The following PEAK1 variants were observed in gnomAD, a reference collection of about 807,000 sequenced individuals.
PEAK1 encodes the protein pseudopodium enriched atypical kinase 1.
In PEAK1, 54 loss-of-function variants were observed where a neutral mutation model predicts 124.7. The observed-to-expected ratio is 0.43, with a 90% confidence interval of 0.35 to 0.54. The LOEUF (loss-of-function observed/expected upper bound fraction) is 0.54. PEAK1 is among the 20% of genes least tolerant of loss of function. The pLI, the probability that PEAK1 is intolerant of heterozygous loss-of-function variation, is 0.01. For missense variants in PEAK1, 2,046 were observed against 2,134.5 expected, an observed-to-expected ratio of 0.96 and a Z score of 0.82; for synonymous variants, 719 against 760.0, an observed-to-expected ratio of 0.95 and a Z score of 0.89.
At chr15:77,203,406 G>T (rs1026353683) in intron 6 of PEAK1, among the ~76,000 whole-genome samples, 3 of 152,154 alleles carry the variant, frequency 2.0e-5, no homozygotes, top group Non-Finnish European at 2.9e-5. Context: ...GGTAGGCAAA[G>T]CAGAATACAA....
At chr15:77,174,440 AT>A (rs760817261) in intron 7 of PEAK1, among the ~76,000 whole-genome samples, 1 of 152,206 alleles carries the variant, frequency 6.6e-6, no homozygotes, top group Non-Finnish European at 1.5e-5. Context: ...AAATGTTGAC[AT>A]TTGATGGTAA....
intron 2 of PEAK1, among the ~76,000 whole-genome samples, chr15:77,338,932 C>A (rs2066366895): frequency 6.6e-6 from 1 of 151,718 alleles, no homozygotes; most frequent in Non-Finnish European, 1.5e-5. Flanking sequence ...ATCTCAAAAA[C>A]AATGCTGAAT....
At position 77,222,923 on chromosome 15, in the gene PEAK1, A is replaced by T. The variant is rs141005581; in HGVS notation, c.-115+29444T>A. ...ACACAGGTAACAAGGACAACTCTTTAGACTTCTGCCACTCAAAATACAGTC... is the reference window on the plus strand; with the variant it reads ...ACACAGGTAACAAGGACAACTCTTTTGACTTCTGCCACTCAAAATACAGTC... On this transcript the variant is annotated intron_variant, in intron 6 of 9. Coordinates refer to ENST00000682557, the MANE Select transcript of PEAK1 (RefSeq NM_001385026.1). Among the ~76,000 whole-genome samples the T allele has an allele frequency of 5.9e-5, 9 of 152,214 alleles. No individual in the cohort carries two copies. In the East Asian group the frequency reaches 1.7e-3, roughly 29 times the overall value.
At chr15:77,140,347 G>A (rs893325093) in intron 8 of PEAK1, among the ~76,000 whole-genome samples, 1 of 151,900 alleles carries the variant, frequency 6.6e-6, no homozygotes, top group African/African-American at 2.4e-5. Context: ...TACACAATAT[G>A]CTAGCAAACC....
chr15:77,232,491 T>C (rs1299813069), intron 6 of PEAK1, among the ~76,000 whole-genome samples: 1 of 152,196 alleles, frequency 6.6e-6, no homozygotes, highest in Non-Finnish European at 1.5e-5. Context: ...CTCAAATCTC[T>C]AACATCCCTT....
At chr15:77,117,397 A>T (rs2051487312) in intron 9 of PEAK1, among the ~76,000 whole-genome samples, 1 of 152,252 alleles carries the variant, frequency 6.6e-6, no homozygotes, top group Non-Finnish European at 1.5e-5. Context: ...GTGAGGATTA[A>T]TTGGGATCAA....
intron 6 of PEAK1, among the ~76,000 whole-genome samples, chr15:77,224,464 A>G (rs1452399063): frequency 6.6e-6 from 1 of 152,010 alleles, no homozygotes; most frequent in African/African-American, 2.4e-5. Flanking sequence ...CCTTGCTTAG[A>G]AGAGGGCTGA....
intron 1 of PEAK1, chr15:77,404,331 CTG>C: frequency 1.0e-6 from 1 of 985,318 alleles, no homozygotes; most frequent in Non-Finnish European, 1.2e-6. Flanking sequence ...TGTTCTAGGA[CTG>C]TGCTAATACT....
At chr15:77,342,540 G>A (rs1214180784) in intron 2 of PEAK1, among the ~76,000 whole-genome samples, 1 of 151,738 alleles carries the variant, frequency 6.6e-6, no homozygotes, top group Non-Finnish European at 1.5e-5. Context: ...TGAGTAGTTG[G>A]GGCTACAGGC....
chr15:77,139,065 T>C (rs2053568060), intron 8 of PEAK1, among the ~76,000 whole-genome samples: 3 of 152,090 alleles, frequency 2.0e-5, no homozygotes, highest in Non-Finnish European at 2.9e-5. Context: ...TAAGATGAGG[T>C]CATTAGAGTG....
intron 2 of PEAK1, among the ~76,000 whole-genome samples, chr15:77,300,829 T>TA (rs1401486987): frequency 2.0e-5 from 3 of 152,042 alleles, no homozygotes; most frequent in South Asian, 2.1e-4. Flanking sequence ...TTTGATGGCT[T>TA]AAAAAACCAG....
At chr15:77,250,812 G>A (rs747864435) in intron 6 of PEAK1, among the ~76,000 whole-genome samples, 8 of 151,954 alleles carry the variant, frequency 5.3e-5, no homozygotes, top group Admixed American at 2.0e-4. Flanking sequence ...CAAGTGATCC[G>A]CCTGCCTTGG....
At chr15:77,257,486 A>G (rs2061213190) in intron 5 of PEAK1, among the ~76,000 whole-genome samples, 1 of 150,932 alleles carries the variant, frequency 6.6e-6, no homozygotes, top group Admixed American at 6.6e-5. Flanking sequence ...AGTGATGATG[A>G]GCATTTTTTC....
chr15:77,256,508 C>T (rs781472283), intron 5 of PEAK1, among the ~76,000 whole-genome samples: 3 of 151,872 alleles, frequency 2.0e-5, no homozygotes, highest in Non-Finnish European at 4.4e-5. Flanking sequence ...GGTTGTCAAG[C>T]CTTTACCCAT....
At chr15:77,404,754 A>G (rs1432585578) in intron 1 of PEAK1, 2 of 956,038 alleles carry the variant, frequency 2.1e-6, no homozygotes, top group Non-Finnish European at 1.2e-6. Context: ...TCTATGATAC[A>G]TTATCAGAAA....
At chr15:77,419,172 A>C (rs557015765) in intron 1 of PEAK1, 560 of 985,404 alleles carry the variant, frequency 5.7e-4, no homozygotes, top group Middle Eastern at 3.7e-3. Flanking sequence ...AACGAATCGC[A>C]AAAAGTAACA....
intron 5 of PEAK1, among the ~76,000 whole-genome samples, chr15:77,263,760 C>T (rs1170512887): frequency 2.0e-5 from 3 of 152,142 alleles, no homozygotes; most frequent in African/African-American, 7.2e-5. Flanking sequence ...TTTTATGAGG[C>T]CAGCATCATC....
intron 2 of PEAK1, chr15:77,351,756 A>G (rs2067224309): frequency 1.0e-6 from 1 of 985,438 alleles, no homozygotes; most frequent in Non-Finnish European, 1.2e-6. Flanking sequence ...AGGTTCTCCA[A>G]CAGGCCATGT....
At chr15:77,326,780 GA>G (rs1220962069) in intron 2 of PEAK1, among the ~76,000 whole-genome samples, 22 of 152,040 alleles carry the variant, frequency 1.4e-4, no homozygotes, top group Non-Finnish European at 1.5e-5. Flanking sequence ...TTCTATTTAG[GA>G]AACAGCTTGA....
Sources: allele counts gnomAD v4.1 joint callset (sites outside exome capture counted in the v4.1 genomes callset), GRCh38; gene constraint gnomAD v4.1.1; transcripts MANE v1.5; gene names NCBI Gene and HGNC (gene_info 2026-07-23, HGNC 2026-07-21).